The following CAMKK2 variants were observed in gnomAD, a reference collection of about 807,000 sequenced individuals.
CAMKK2 encodes calcium/calmodulin dependent protein kinase kinase 2.
CAMKK2 carries 30 observed loss-of-function variants against 67.2 expected under a neutral mutation model. The ratio of observed to expected loss-of-function variants is 0.45; its 90% CI spans 0.33 to 0.61. CAMKK2 has a LOEUF of 0.61. Among genes scored for constraint, CAMKK2 ranks in the 20% least tolerant of loss-of-function variants. The pLI is 0.02. For synonymous variants in CAMKK2, 322 were observed against 326.2 expected (o/e 0.99, Z 0.14); for missense variants, 643 against 802.0 (o/e 0.80, Z 2.39).
rs73403898 is a variant in CAMKK2, at chr12:121,260,548, G to A, written c.760-193C>T. On this transcript the variant is annotated intron_variant, in intron 6 of 16. Transcript: ENST00000404169. ...GAGTGTGAGATCCTAATGGCTATTCGGAAAATAAATGCCTCTCTGTCTGAT... is the reference window on the plus strand; with the variant it reads ...GAGTGTGAGATCCTAATGGCTATTCAGAAAATAAATGCCTCTCTGTCTGAT... 1,483 of 594,578 alleles carry A rather than the reference G, an allele frequency of 2.5e-3. 18 individuals carry two copies. The highest frequency in any genetic ancestry group is 0.025 in the African/African-American group (1,302 of 52,412). The allele number at this position is 594,578 out of a possible 1,614,324, so 36.8% of individuals were successfully genotyped here. A position where few individuals can be genotyped will look rare whatever the true frequency, so the allele number is the denominator to read the frequency against.
chr12:121,260,483 C>T lies in CAMKK2; in HGVS notation c.760-128G>A, dbSNP rs1010008278. The T allele has an allele frequency of 1.2e-5, 9 of 781,572 alleles. No individual in the cohort carries two copies. The African/African-American group carries it at 1.6e-4, about 14-fold the overall frequency. The allele number at this position is 781,572 out of a possible 1,614,324, so 48.4% of individuals were successfully genotyped here. ...CCAACAGGAGGGCTGCATTTGGCAG[C>T]GTGTTTCCCAGTTAAGATGGAAGAT... On this transcript the variant is annotated intron_variant, in intron 6 of 16. Coordinates refer to ENST00000404169, the MANE Select transcript of CAMKK2 (RefSeq NM_001270485.2).
intron 1 of CAMKK2, among the ~76,000 whole-genome samples, chr12:121,282,916 G>A (rs1413398210): frequency 6.6e-6 from 1 of 151,918 alleles, no homozygotes; most frequent in Non-Finnish European, 1.5e-5. Flanking sequence ...CACCATGCCC[G>A]GCTAATTTTT....
At chr12:121,266,896 C>A (rs1397280221) in intron 5 of CAMKK2, among the ~76,000 whole-genome samples, 2 of 151,934 alleles carry the variant, frequency 1.3e-5, no homozygotes, top group Non-Finnish European at 2.9e-5. Flanking sequence ...TCACCTGCAG[C>A]CTATCATCTG....
At chr12:121,252,170 A>G (rs1890872478) in intron 11 of CAMKK2, among the ~76,000 whole-genome samples, 1 of 152,160 alleles carries the variant, frequency 6.6e-6, no homozygotes, top group Non-Finnish European at 1.5e-5. Context: ...TTAACAGATC[A>G]TTTTTTCATA....
chr12:121,244,655 G>C (rs781684430), intron 15 of CAMKK2, 40 bp from the exon 16 acceptor site: 136 of 1,508,150 alleles, frequency 9.0e-5, no homozygotes, highest in Non-Finnish European at 1.1e-4. Flanking sequence ...AGTGAGAAGG[G>C]ACCCTTGGGA....
intron 16 of CAMKK2, chr12:121,243,915 C>T: frequency 1.4e-6 from 2 of 1,416,350 alleles, no homozygotes; most frequent in South Asian, 3.0e-5. Flanking sequence ...CAGTGGGGTC[C>T]CCACCCACCA....
chr12:121,243,181 C>T (rs1013525466), intron 16 of CAMKK2, among the ~76,000 whole-genome samples: 2 of 151,744 alleles, frequency 1.3e-5, no homozygotes, highest in South Asian at 2.1e-4. Context: ...TACAAGTGTG[C>T]GCCACCATGC....
chr12:121,244,583 G>A lies in CAMKK2; in HGVS notation c.1586C>T (p.Ser529Phe). 6.4e-7 allele frequency: 1 copy of A among 1,562,774 alleles called. No homozygotes were observed. The highest frequency in any genetic ancestry group is 8.7e-7 in the Non-Finnish European group (1 of 1,153,260). The change falls in exon 16 of 17, where the codon TCT (serine) becomes TTT (phenylalanine). Residue 529 changes from serine to phenylalanine, a missense_variant. Around this residue, in one of 3 missense-constraint regions of CAMKK2, gnomAD observed 140 missense variants for 124.2 expected, o/e 1.13. Coordinates refer to ENST00000404169, the MANE Select transcript of CAMKK2 (RefSeq NM_001270485.2). The stretch of plus-strand genomic sequence containing the variant: ...GCAGGCGGGCGTTACCTTGAGCTCA[G>A]ACAGGGACTCACATTCCCTGGTTGG... ...KKPTRECESL[S>F]ELKEARQRRQ...
chr12:121,243,310 C>T (rs1191641794), intron 16 of CAMKK2, among the ~76,000 whole-genome samples: 6 of 151,772 alleles, frequency 4.0e-5, no homozygotes, highest in Non-Finnish European at 1.5e-5. Flanking sequence ...GGATTACAGG[C>T]GTGAGCCACT....
intron 16 of CAMKK2, chr12:121,243,734 G>T (rs886419311): frequency 2.3e-6 from 1 of 435,062 alleles, no homozygotes; most frequent in Non-Finnish European, 3.3e-6. Flanking sequence ...TAAAGTTGAC[G>T]GTGGTAATGG....
At chr12:121,252,972 C>G (rs943082263) in intron 10 of CAMKK2, among the ~76,000 whole-genome samples, 1 of 152,196 alleles carries the variant, frequency 6.6e-6, no homozygotes, top group African/African-American at 2.4e-5. Context: ...AGGGTTTTCA[C>G]AGGCACTATT....
intron 16 of CAMKK2, among the ~76,000 whole-genome samples, chr12:121,242,829 G>A (rs569933004): frequency 1.2e-4 from 18 of 151,818 alleles, no homozygotes; most frequent in South Asian, 2.1e-4. Flanking sequence ...TGCAAGCTCC[G>A]CCTCCCGGGT....
intron 7 of CAMKK2, among the ~76,000 whole-genome samples, chr12:121,257,959 C>T (rs1892678908): frequency 6.6e-6 from 1 of 151,538 alleles, no homozygotes; most frequent in South Asian, 2.1e-4. Context: ...AGTTCAACCA[C>T]TTTTGGGGCT....
At chr12:121,241,555 C>T (rs60714133) in intron 16 of CAMKK2, among the ~76,000 whole-genome samples, 6,203 of 152,284 alleles carry the variant, frequency 0.041, 171 homozygotes, top group South Asian at 0.12. Context: ...GTGACAGGTG[C>T]GAGGGGAATC....
chr12:121,260,441 C>T (rs1893216623), intron 6 of CAMKK2, 86 bp from the exon 7 acceptor site: 1 of 1,289,512 alleles, frequency 7.8e-7, no homozygotes, highest in Admixed American at 2.0e-5. Context: ...GAGGCAGCAT[C>T]CACGTGGCTG....
intron 10 of CAMKK2, among the ~76,000 whole-genome samples, chr12:121,252,937 T>A (rs557416394): frequency 6.6e-6 from 1 of 152,186 alleles, no homozygotes; most frequent in African/African-American, 2.4e-5. Flanking sequence ...ACATGACCCA[T>A]GTTGGGCCAA....
chr12:121,250,445 G>A (rs573142096), intron 11 of CAMKK2, among the ~76,000 whole-genome samples: 2 of 152,280 alleles, frequency 1.3e-5, no homozygotes, highest in South Asian at 4.1e-4. Flanking sequence ...CCTGGATCGC[G>A]CCACGCCCTG....
chr12:121,249,896 G>T (rs752952875), intron 12 of CAMKK2, 22 bp from the exon 13 acceptor site: 3 of 1,612,632 alleles, frequency 1.9e-6, no homozygotes, highest in Non-Finnish European at 1.7e-6. Context: ...GAGGCGTCAG[G>T]GTGGCAGACA....
rs1555251242 is a variant in CAMKK2 at position 121,255,382 on chromosome 12, T to TTATATATATAATTTTA, written c.907+167_907+168insTAAAATTATATATATA. On this transcript the variant is annotated intron_variant, in intron 9 of 16. Coordinates refer to ENST00000404169, the MANE Select transcript of CAMKK2 (RefSeq NM_001270485.2). ...TATATATAATTTTATATATATAATT[T>TTATATATATAATTTTA]TATATATATATATGTATCTCCTATT... 5.0e-3 allele frequency among the ~76,000 whole-genome samples: 152 copies of TTATATATATAATTTTA among 30,688 alleles called. 56 individuals are homozygous for TTATATATATAATTTTA. Among genetic ancestry groups the TTATATATATAATTTTA allele is most frequent in the African/African-American group, 0.02 (135 of 6,898 alleles). 20.1% of individuals were successfully genotyped at this position (30,688 alleles called of 152,430 possible).
Sources: gnomAD v4.1 joint callset for allele counts (sites outside exome capture counted in the v4.1 genomes callset) on GRCh38, gnomAD v4.1.1 for gene constraint, gnomAD v4.1.1 regional missense constraint, MANE v1.5 for transcripts, NCBI Gene and HGNC (gene_info 2026-07-23, HGNC 2026-07-21) for gene names.